The following CD300C variants were observed in gnomAD, a reference collection of about 807,000 sequenced individuals.
CD300C encodes the protein CD300c molecule.
Under a neutral mutation model 18.4 loss-of-function variants are expected in CD300C, and 11 were observed. The observed-to-expected ratio is 0.60, with a 90% CI of 0.38 to 0.99. The LOEUF is 0.99. Among genes scored for constraint, CD300C ranks in the 50% least tolerant of loss-of-function variants. The pLI, the probability that CD300C is intolerant of heterozygous loss-of-function variation, is 0.01. For missense variants in CD300C, 277 were observed against 287.4 expected, an observed-to-expected ratio of 0.96 and a Z score of 0.26; for synonymous variants, 116 against 116.3, an observed-to-expected ratio of 1.00 and a Z score of 0.02.
chr17:74,535,188 G>A, the CD300C span, among the ~76,000 whole-genome samples: 1 of 152,088 alleles, frequency 6.6e-6, no homozygotes, highest in African/African-American at 2.4e-5. Context: ...ACAAAATGGG[G>A]CGGGGCGCGG....
chr17:74,541,817 T>A (rs1467202594), intron 3 of CD300C, 81 bp from the exon 4 acceptor site: 1 of 1,500,858 alleles, frequency 6.7e-7, no homozygotes, highest in African/African-American at 1.4e-5. Flanking sequence ...GACCCTTGTG[T>A]CCCAATCCTG....
chr17:74,545,741 C>T lies in CD300C; in HGVS notation c.42G>A (p.Leu14=). The T allele has an allele frequency of 6.2e-7, 1 of 1,609,456 alleles. No homozygotes were observed. The highest frequency in any genetic ancestry group is 8.5e-7 in the Non-Finnish European group (1 of 1,178,368). ...ACTCACCTGGGACAAGCAGGAGGAG[C>T]AGAGCTGAAGACCGCCACGAGGCCC... ...RAWASWRSSA[L]LLLLVPGYFP... The change falls in exon 1 of 4, where the codon CTG becomes CTA. Residue 14 remains leucine, a synonymous_variant. Transcript: ENST00000330793.
In CD300C at chr17:74,541,332, T is replaced by C. The variant is rs1908538227; in HGVS notation, c.*257A>G. On this transcript the variant is annotated 3_prime_UTR_variant, in exon 4 of 4. Coordinates refer to ENST00000330793, the MANE Select transcript of CD300C (RefSeq NM_006678.5). ...GGGTGCAGGGAGGGCATCCGGGCAC[T>C]CAGAGGTATTGCTGACGGCCCGAGG... The C allele has an allele frequency of 4.7e-6, 2 of 423,604 alleles. No individual in the cohort carries two copies. Among genetic ancestry groups the C allele is most frequent in the Admixed American group, 3.5e-5 (1 of 28,592 alleles). The allele number at this position is 423,604 out of a possible 1,614,324, so 26.2% of individuals were successfully genotyped here.
chr17:74,543,871 G>A (rs1041715270), intron 2 of CD300C, among the ~76,000 whole-genome samples: 1 of 152,198 alleles, frequency 6.6e-6, no homozygotes, highest in Non-Finnish European at 1.5e-5. Context: ...TCCATCCACA[G>A]GTCCCTTTGC....
intron 1 of CD300C, 87 bp from the exon 2 acceptor site, chr17:74,545,034 C>A: frequency 7.8e-7 from 1 of 1,282,514 alleles, no homozygotes; most frequent in Non-Finnish European, 1.1e-6. Context: ...GGACCCTGGG[C>A]GTGTGGAGAA....
chr17:74,545,591 G>A, intron 1 of CD300C, 131 bp downstream of exon 1: 1 of 705,282 alleles, frequency 1.4e-6, no homozygotes, highest in Non-Finnish European at 2.4e-6. Flanking sequence ...GACCGCTCCT[G>A]GGTGCTCCTT....
chr17:74,542,980 C>G lies in CD300C; in HGVS notation c.408G>C (p.Thr136=). 1 of 1,613,572 alleles carries G rather than the reference C, an allele frequency of 6.2e-7. No individual in the cohort carries two copies. Among genetic ancestry groups the G allele is most frequent in the Non-Finnish European group, 8.5e-7 (1 of 1,180,018 alleles). Reference sequence around the variant, plus strand: ...AGCTCTGGGGGCTGGAGGCTGTGGTCGTCCCGGCTGTGGGTGAAACACAGG... The same window carrying G: ...AGCTCTGGGGGCTGGAGGCTGTGGTGGTCCCGGCTGTGGGTGAAACACAGG... The part of the protein sequence containing the change: ...EVEVSVFPAG[T]TTASSPQSSM... The change falls in exon 3 of 4, where the codon ACG becomes ACC. Residue 136 remains threonine (T), a synonymous_variant. Coordinates refer to ENST00000330793, the MANE Select transcript of CD300C (RefSeq NM_006678.5).
intron 2 of CD300C, 133 bp downstream of exon 2, chr17:74,544,476 C>T: frequency 6.6e-6 from 6 of 910,120 alleles, no homozygotes; most frequent in Non-Finnish European, 1.0e-5. Flanking sequence ...CACTCATCCA[C>T]ACACAGCGGC....
intron 2 of CD300C, among the ~76,000 whole-genome samples, chr17:74,543,671 C>T (rs926446481): frequency 2.0e-5 from 3 of 152,108 alleles, no homozygotes; most frequent in Admixed American, 1.3e-4. Context: ...AGGGACACGT[C>T]GCCCCCGGGG....
chr17:74,545,040 G>A (rs1908706434), intron 1 of CD300C, 93 bp from the exon 2 acceptor site: 1 of 1,226,724 alleles, frequency 8.2e-7, no homozygotes, highest in Non-Finnish European at 1.1e-6. Context: ...TGGGCGTGTG[G>A]AGAAGGCAAT....
intron 2 of CD300C, among the ~76,000 whole-genome samples, chr17:74,543,793 G>A (rs769705522): frequency 3.9e-5 from 6 of 152,202 alleles, no homozygotes; most frequent in Admixed American, 6.5e-5. Context: ...ACAGGAGGGG[G>A]CCTTTGAGGG....
Position 74,541,717 on chromosome 17 carries a change from G to A in CD300C, c.547C>T (p.Arg183Cys), listed in dbSNP as rs761291927. The A allele has an allele frequency of 1.4e-5, 23 of 1,613,572 alleles. No individual in the cohort carries two copies. Among genetic ancestry groups the A allele is most frequent in the Non-Finnish European group, 1.7e-5 (20 of 1,179,742 alleles). ...PHPGSLFSNV[R>C]FLLLVLLELP... ...TCCAAGAGGACCAGGAGCAGGAAGC[G>A]GACATTGCTGAACAGGGAGCTGTGG... The change falls in exon 4 of 4, where the codon CGC becomes TGC. Residue 183 changes from arginine (R) to cysteine (C), a missense_variant. Coordinates refer to ENST00000330793, the MANE Select transcript of CD300C (RefSeq NM_006678.5).
chr17:74,537,084 G>A (rs529384041), downstream of CD300C, among the ~76,000 whole-genome samples: 117 of 151,388 alleles, frequency 7.7e-4, 3 homozygotes, highest in South Asian at 0.022. Context: ...AGGAGAAGTA[G>A]GCAGAAGAGT....
intron 2 of CD300C, among the ~76,000 whole-genome samples, chr17:74,544,072 G>A (rs147977473): frequency 2.8e-4 from 43 of 152,270 alleles, no homozygotes; most frequent in East Asian, 7.7e-4. Flanking sequence ...GTGAGGCTGC[G>A]GCCTCAGGAC....
chr17:74,536,995 A>G (rs778821261), downstream of CD300C, among the ~76,000 whole-genome samples: 11 of 151,900 alleles, frequency 7.2e-5, no homozygotes, highest in Non-Finnish European at 1.5e-4. Flanking sequence ...GAGGAGGAGG[A>G]CCAAGAGGTA....
chr17:74,541,859 G>T, intron 3 of CD300C, 123 bp from the exon 4 acceptor site: 2 of 1,018,520 alleles, frequency 2.0e-6, no homozygotes, highest in Admixed American at 2.3e-5. Context: ...GCACCCCCCT[G>T]GACAGTCCAT....
At chr17:74,535,370 G>A in the CD300C span, among the ~76,000 whole-genome samples, 24 of 150,838 alleles carry the variant, frequency 1.6e-4, no homozygotes, top group African/African-American at 5.6e-4. Context: ...TTGGGAGGCT[G>A]AGGCAGGAGA....
downstream of CD300C, among the ~76,000 whole-genome samples, chr17:74,537,481 T>C (rs1418233302): frequency 6.6e-6 from 1 of 151,960 alleles, no homozygotes; most frequent in Non-Finnish European, 1.5e-5. Flanking sequence ...TACAAAAATT[T>C]AGCCGGACAT....
At chr17:74,540,899 G>A (rs114460816), downstream of CD300C, among the ~76,000 whole-genome samples, 2,362 of 152,228 alleles carry the variant, frequency 0.016, 52 homozygotes, top group African/African-American at 0.053. Context: ...TCTCCCAGAG[G>A]GACCTAAAGA....
Sources: gnomAD v4.1 joint callset for allele counts (sites outside exome capture counted in the v4.1 genomes callset) on GRCh38, gnomAD v4.1.1 for gene constraint, MANE v1.5 for transcripts, NCBI Gene and HGNC (gene_info 2026-07-23, HGNC 2026-07-21) for gene names.